ZEB1: variants seen among roughly 807,000 people sequenced by gnomAD.
ZEB1 encodes the protein zinc finger E-box binding homeobox 1, also known as zinc finger E-box-binding homeobox 1.
Under a neutral mutation model 84.9 loss-of-function variants are expected in ZEB1, and 21 were observed. That is an observed-to-expected ratio of 0.25 (90% CI 0.18 to 0.36). The LOEUF is 0.36. ZEB1 is among the 10% of genes least tolerant of loss of function. ZEB1 has a pLI of 1.00. For missense variants in ZEB1, 1,104 were observed against 1,330.2 expected, an observed-to-expected ratio of 0.83 and a Z score of 2.65; for synonymous variants, 420 against 471.1, an observed-to-expected ratio of 0.89 and a Z score of 1.41.
intron 1 of ZEB1, among the ~76,000 whole-genome samples, chr10:31,428,553 G>GTTCTGTAAA (rs1251816000): frequency 6.6e-6 from 1 of 152,200 alleles, no homozygotes; most frequent in Non-Finnish European, 1.5e-5. Context: ...TGGGTGGAGA[G>GTTCTGTAAA]TTCTGTAAAT....
rs2073732466 is a variant in ZEB1, at chr10:31,527,567, G to A, written c.*303G>A. 2.7e-6 allele frequency: 1 copy of A among 371,702 alleles called. No homozygotes were observed. Among genetic ancestry groups the A allele is most frequent in the Non-Finnish European group, 4.9e-6 (1 of 203,332 alleles). 23.0% of individuals were successfully genotyped at this position (371,702 alleles called of 1,614,324 possible). A position where few individuals can be genotyped will look rare whatever the true frequency, so the allele number is the denominator to read the frequency against. ...TTAGAAAACCTTAATGACTCAGAGA[G>A]CAACAATACAAGAGGTTAAAGGAAG... On this transcript the variant is annotated 3_prime_UTR_variant, in exon 9 of 9. Coordinates refer to ENST00000424869, the MANE Select transcript of ZEB1 (RefSeq NM_001174096.2).
chr10:31,402,890 G>T (rs2052329736), intron 1 of ZEB1, among the ~76,000 whole-genome samples: 1 of 152,078 alleles, frequency 6.6e-6, no homozygotes, highest in African/African-American at 2.4e-5. Context: ...AGAATTGGAT[G>T]TATAAAGCCA....
rs1398765546 is a variant in ZEB1 at position 31,476,230 on chromosome 10, A to C, written c.259+14993A>C. On this transcript the variant is annotated intron_variant, in intron 2 of 8. Transcript: ENST00000424869. ...GACCACTAACTAGTTTAATGAAGAA[A>C]AAAGAGAGAAAATTCAAGTAAGCAC... Among the ~76,000 whole-genome samples the C allele has an allele frequency of 2.0e-5, 3 of 152,068 alleles. No individual in the cohort carries two copies. The East Asian group carries it at 5.8e-4, about 29-fold the overall frequency.
At chr10:31,443,778 T>G (rs556981168) in intron 1 of ZEB1, among the ~76,000 whole-genome samples, 1 of 149,664 alleles carries the variant, frequency 6.7e-6, no homozygotes, top group Admixed American at 6.6e-5. Context: ...TTCCATGGTG[T>G]ATATGTGCCA....
At chr10:31,417,142 T>G (rs57879647) in intron 1 of ZEB1, among the ~76,000 whole-genome samples, 2 of 152,250 alleles carry the variant, frequency 1.3e-5, no homozygotes, top group East Asian at 3.9e-4. Flanking sequence ...CTAGGACTTA[T>G]AGTCCCCAGT....
upstream of ZEB1, chr10:31,318,572 G>GGGCAGC: frequency 6.5e-6 from 1 of 153,186 alleles, no homozygotes; most frequent in Non-Finnish European, 1.5e-5. Flanking sequence ...TCCGGGCTGC[G>GGGCAGC]CGGGTCAGGT....
In ZEB1 at chr10:31,523,918, C is replaced by A; in HGVS notation, c.2605-15C>A. ...TAATGTTAAATTACATTTTCTCACA[C>A]CTTTCTCCCTCTAGGATGAAAGACA... On this transcript the variant is annotated splice_polypyrimidine_tract_variant and intron_variant, in intron 7 of 8. Transcript: ENST00000424869. The A allele has an allele frequency of 1.2e-6, 2 of 1,612,606 alleles. No homozygotes were observed. The highest frequency in any genetic ancestry group is 1.7e-6 in the Non-Finnish European group (2 of 1,178,798).
In ZEB1 at chr10:31,529,071, A is replaced by G. The variant is rs1302803028; in HGVS notation, c.*1807A>G. ...GAACAATGTTTAACATTTTGTGCCAATTTGTTCCTGTATTCATGTATGTAA... is the reference window on the plus strand; with the variant it reads ...GAACAATGTTTAACATTTTGTGCCAGTTTGTTCCTGTATTCATGTATGTAA... On this transcript the variant is annotated 3_prime_UTR_variant, in exon 9 of 9. Transcript: ENST00000424869. The G allele has an allele frequency of 6.6e-6, 1 of 152,116 alleles. No individual in the cohort carries two copies. Among genetic ancestry groups the G allele is most frequent in the East Asian group, 1.9e-4 (1 of 5,194 alleles). The allele number at this position is 152,116 out of a possible 1,614,324, so 9.4% of individuals were successfully genotyped here.
intron 1 of ZEB1, among the ~76,000 whole-genome samples, chr10:31,411,444 A>T (rs2054236803): frequency 2.0e-5 from 3 of 152,090 alleles, no homozygotes; most frequent in Admixed American, 2.0e-4. Context: ...ATCCTGGCTA[A>T]CAAGGTGAAA....
chr10:31,436,472 C>T (rs2058308528), intron 1 of ZEB1, among the ~76,000 whole-genome samples: 1 of 151,980 alleles, frequency 6.6e-6, no homozygotes, highest in South Asian at 2.1e-4. Flanking sequence ...AGCACAGTAA[C>T]CTGTTCAGAG....
intron 1 of ZEB1, among the ~76,000 whole-genome samples, chr10:31,349,990 C>T (rs1378116994): frequency 6.6e-6 from 1 of 152,038 alleles, no homozygotes; most frequent in African/African-American, 2.4e-5. Context: ...AAAGTCATTG[C>T]CCATACCAGT....
At chr10:31,392,811 AGAT>A (rs1234176192) in intron 1 of ZEB1, among the ~76,000 whole-genome samples, 2 of 151,338 alleles carry the variant, frequency 1.3e-5, no homozygotes, top group Non-Finnish European at 2.9e-5. Context: ...ACTTTTATAT[AGAT>A]GATATTATAT....
intron 1 of ZEB1, among the ~76,000 whole-genome samples, chr10:31,354,549 C>G (rs924325901): frequency 3.3e-5 from 5 of 152,156 alleles, no homozygotes; most frequent in Admixed American, 3.3e-4. Flanking sequence ...TCTTCCTGAT[C>G]TTTAACACTT....
intron 4 of ZEB1, among the ~76,000 whole-genome samples, chr10:31,503,757 C>T (rs1048195308): frequency 1.3e-5 from 2 of 151,758 alleles, no homozygotes; most frequent in Admixed American, 6.6e-5. Context: ...AATAGCAATA[C>T]TAACTGGGAT....
intron 1 of ZEB1, among the ~76,000 whole-genome samples, chr10:31,383,091 C>CATAT (rs59226984): frequency 0.065 from 9,771 of 150,166 alleles, 776 homozygotes; most frequent in African/African-American, 0.18. Context: ...AATTATTTTA[C>CATAT]ATATATATAT....
Position 31,450,254 on chromosome 10 carries a change from A to G in ZEB1, c.59-10783A>G, listed in dbSNP as rs570317471. Among the ~76,000 whole-genome samples the G allele has an allele frequency of 2.6e-5, 4 of 152,242 alleles. 1 individual carries two copies. The South Asian group carries it at 6.2e-4, about 24-fold the overall frequency. The stretch of plus-strand genomic sequence containing the variant: ...TTTGATGACTTTTACATAGAATGCT[A>G]GTTTTCTTCATGTAGGTCCTCCATG... On this transcript the variant is annotated intron_variant, in intron 1 of 8. Transcript: ENST00000424869.
At chr10:31,447,828 C>G (rs961748453) in intron 1 of ZEB1, among the ~76,000 whole-genome samples, 3 of 152,202 alleles carry the variant, frequency 2.0e-5, no homozygotes, top group African/African-American at 7.2e-5. Flanking sequence ...CGACCTTTCT[C>G]TCTGGCTGCC....
intron 2 of ZEB1, among the ~76,000 whole-genome samples, chr10:31,468,948 G>A (rs1368209118): frequency 1.3e-5 from 2 of 152,134 alleles, no homozygotes. Flanking sequence ...ACTTTGAAAT[G>A]ACAGATAAAG....
intron 4 of ZEB1, among the ~76,000 whole-genome samples, chr10:31,506,341 C>T (rs1225843933): frequency 6.6e-6 from 1 of 151,948 alleles, no homozygotes; most frequent in East Asian, 1.9e-4. Flanking sequence ...TCTACATGAT[C>T]TGTCTAATGC....
Sources: gnomAD v4.1 joint callset for allele counts (sites outside exome capture counted in the v4.1 genomes callset) on GRCh38, gnomAD v4.1.1 for gene constraint, MANE v1.5 for transcripts, NCBI Gene and HGNC (gene_info 2026-07-23, HGNC 2026-07-21) for gene names.